FRMD4B: variants seen among roughly 807,000 people sequenced by gnomAD.
FRMD4B encodes FERM domain-containing protein 4B.
Under a neutral mutation model 141.5 loss-of-function variants are expected in FRMD4B, and 74 were observed. The ratio of observed to expected loss-of-function variants is 0.52; its 90% CI spans 0.43 to 0.63. FRMD4B has a LOEUF of 0.63. Ranked by LOEUF, FRMD4B falls within the 30% of genes least tolerant of loss-of-function variation. The pLI is 0.00. For synonymous variants in FRMD4B, 506 were observed against 467.9 expected (o/e 1.08, Z -1.05); for missense variants, 1,366 against 1,253.4 (o/e 1.09, Z -1.36).
intron 5 of FRMD4B, among the ~76,000 whole-genome samples, chr3:69,268,763 A>C (rs2093580448): frequency 6.6e-6 from 1 of 151,872 alleles, no homozygotes; most frequent in Non-Finnish European, 1.5e-5. Flanking sequence ...TGCATGAATA[A>C]ATATGCAGAG....
At chr3:69,401,223 A>G (rs1210589620) in intron 2 of FRMD4B, among the ~76,000 whole-genome samples, 2 of 152,226 alleles carry the variant, frequency 1.3e-5, no homozygotes, top group Admixed American at 6.5e-5. Context: ...TGAAAGTAGA[A>G]CATCCAAATT....
At chr3:69,492,323 C>T (rs1706312492) in intron 1 of FRMD4B, among the ~76,000 whole-genome samples, 1 of 152,190 alleles carries the variant, frequency 6.6e-6, no homozygotes, top group Non-Finnish European at 1.5e-5. Flanking sequence ...GGGTTATGAA[C>T]ATCTAATAAT....
At chr3:69,241,924 A>C (rs901254584) in intron 7 of FRMD4B, among the ~76,000 whole-genome samples, 5 of 152,082 alleles carry the variant, frequency 3.3e-5, no homozygotes, top group Non-Finnish European at 5.9e-5. Context: ...ACAAAAAAGG[A>C]AACCTCTAAC....
At chr3:69,281,838 A>ATATATATATAT (rs59097815) in intron 5 of FRMD4B, among the ~76,000 whole-genome samples, 3 of 128,230 alleles carry the variant, frequency 2.3e-5, no homozygotes, top group African/African-American at 8.6e-5. Flanking sequence ...AAAAAAAAAA[A>ATATATATATAT]ATATATATAT....
At chr3:69,249,793 T>C (rs1422008986) in intron 6 of FRMD4B, among the ~76,000 whole-genome samples, 1 of 152,322 alleles carries the variant, frequency 6.6e-6, no homozygotes, top group African/African-American at 2.4e-5. Flanking sequence ...CTTCCAGGAA[T>C]ATGGGTTTAA....
chr3:69,288,759 C>T (rs943655955), intron 4 of FRMD4B, among the ~76,000 whole-genome samples: 3 of 152,216 alleles, frequency 2.0e-5, no homozygotes, highest in African/African-American at 4.8e-5. Context: ...GCTTTGAGTC[C>T]GAAAGGGAAT....
At chr3:69,376,407 T>TAAGGCCTAGCATAGAGA (rs1703972043) in intron 1 of FRMD4B, among the ~76,000 whole-genome samples, 1 of 152,016 alleles carries the variant, frequency 6.6e-6, no homozygotes, top group Non-Finnish European at 1.5e-5. Context: ...GTGCCAAGCA[T>TAAGGCCTAGCATAGAGA]AAGGCCTAGC....
intron 1 of FRMD4B, among the ~76,000 whole-genome samples, chr3:69,529,080 T>C (rs546060036): frequency 8.5e-5 from 13 of 152,248 alleles, no homozygotes; most frequent in East Asian, 1.9e-4. Context: ...TGCACGACCA[T>C]GGCCAGGGCA....
intron 7 of FRMD4B, among the ~76,000 whole-genome samples, chr3:69,235,590 C>G (rs911310907): frequency 3.4e-4 from 51 of 151,462 alleles, no homozygotes; most frequent in African/African-American, 1.2e-3. Flanking sequence ...GCCTGGGAGG[C>G]GGAGGTTGCA....
chr3:69,245,924 G>A (rs1312247883), intron 7 of FRMD4B, among the ~76,000 whole-genome samples: 1 of 132,206 alleles, frequency 7.6e-6, no homozygotes, highest in African/African-American at 2.9e-5. Flanking sequence ...CACAACCTCT[G>A]CCTCCTGGGT....
chr3:69,180,877 C>A, intron 21 of FRMD4B, 22 bp downstream of exon 21: 1 of 1,486,452 alleles, frequency 6.7e-7, no homozygotes, highest in Non-Finnish European at 9.2e-7. Flanking sequence ...CCAGGTGTTG[C>A]GTGTTTTTAC....
intron 1 of FRMD4B, among the ~76,000 whole-genome samples, chr3:69,499,451 T>C (rs1024555092): frequency 6.6e-6 from 1 of 152,152 alleles, no homozygotes; most frequent in Admixed American, 6.6e-5. Flanking sequence ...GAATTTGGGA[T>C]AACTTTTGCA....
chr3:69,519,570 A>C (rs1488443315), intron 1 of FRMD4B, among the ~76,000 whole-genome samples: 1 of 151,968 alleles, frequency 6.6e-6, no homozygotes, highest in East Asian at 1.9e-4. Context: ...TATTTTCTCT[A>C]CCTAGACCCT....
At chr3:69,255,187 A>G (rs952680081) in intron 5 of FRMD4B, among the ~76,000 whole-genome samples, 5 of 152,244 alleles carry the variant, frequency 3.3e-5, no homozygotes, top group African/African-American at 7.2e-5. Context: ...TAGGAAATAT[A>G]CAATGAAAAT....
At chr3:69,429,051 T>G (rs1157220913) in intron 2 of FRMD4B, among the ~76,000 whole-genome samples, 1 of 152,206 alleles carries the variant, frequency 6.6e-6, no homozygotes, top group African/African-American at 2.4e-5. Flanking sequence ...TTTTGGCAGC[T>G]TTTTTCCCTC....
intron 5 of FRMD4B, among the ~76,000 whole-genome samples, chr3:69,275,254 A>T (rs942119569): frequency 2.6e-5 from 4 of 152,180 alleles, no homozygotes; most frequent in African/African-American, 9.7e-5. Flanking sequence ...TCTACAATTA[A>T]TAAGCATTAC....
intron 1 of FRMD4B, among the ~76,000 whole-genome samples, chr3:69,465,727 T>A: frequency 6.6e-6 from 1 of 152,218 alleles, no homozygotes; most frequent in Non-Finnish European, 1.5e-5. Context: ...GAACTCATCC[T>A]TTTTTATGGC....
At chr3:69,451,529 G>T (rs750876477) in intron 1 of FRMD4B, among the ~76,000 whole-genome samples, 16 of 152,114 alleles carry the variant, frequency 1.1e-4, no homozygotes, top group Admixed American at 6.6e-5. Flanking sequence ...TCTCTTTATA[G>T]GTATGAAAAA....
At chr3:69,427,431 T>A (rs1705102335) in intron 2 of FRMD4B, among the ~76,000 whole-genome samples, 1 of 150,454 alleles carries the variant, frequency 6.6e-6, no homozygotes, top group South Asian at 2.1e-4. Context: ...TGTTTGAATA[T>A]AAACATGAAA....
Sources: allele counts gnomAD v4.1 joint callset (sites outside exome capture counted in the v4.1 genomes callset), GRCh38; gene constraint gnomAD v4.1.1; transcripts MANE v1.5; gene names NCBI Gene and HGNC (gene_info 2026-07-23, HGNC 2026-07-21).